Variants in MAGI1 observed in about 807,000 individuals in gnomAD.
MAGI1 encodes membrane associated guanylate kinase, WW and PDZ domain containing 1, also known as membrane-associated guanylate kinase, WW and PDZ domain-containing protein 1.
MAGI1 carries 58 observed loss-of-function variants against 139.9 expected under a neutral mutation model. The observed-to-expected ratio is 0.41, with a 90% confidence interval of 0.34 to 0.52. MAGI1 has a LOEUF of 0.52. MAGI1 is among the 20% of genes least tolerant of loss of function. The pLI, the probability that MAGI1 is intolerant of heterozygous loss-of-function variation, is 0.12. For synonymous variants in MAGI1, 812 were observed against 737.9 expected (o/e 1.10, Z -1.63); for missense variants, 1,874 against 1,901.6 (o/e 0.99, Z 0.27).
At chr3:65,789,057 C>T (rs1328482093) in intron 1 of MAGI1, among the ~76,000 whole-genome samples, 1 of 151,970 alleles carries the variant, frequency 6.6e-6, no homozygotes, top group Non-Finnish European at 1.5e-5. Context: ...GACACCCACC[C>T]GTAGTCCCAG....
intron 2 of MAGI1, among the ~76,000 whole-genome samples, chr3:65,541,901 G>C (rs1046121429): frequency 2.0e-5 from 3 of 152,162 alleles, no homozygotes; most frequent in African/African-American, 4.8e-5. Flanking sequence ...ATTCAACATA[G>C]TGTTGGAAGT....
At chr3:65,950,059 C>CAAAAAAAAAAAAA (rs1264298678) in intron 1 of MAGI1, among the ~76,000 whole-genome samples, 1 of 13,458 alleles carries the variant, frequency 7.4e-5, no homozygotes, top group Non-Finnish European at 1.4e-4. Context: ...AAAAAAAAAA[C>CAAAAAAAAAAAAA]AAAAAAACAA....
intron 1 of MAGI1, among the ~76,000 whole-genome samples, chr3:65,917,855 T>A (rs141160331): frequency 8.3e-4 from 127 of 152,350 alleles, no homozygotes; most frequent in African/African-American, 2.9e-3. Flanking sequence ...TGGACACGTG[T>A]CATTACATAT....
chr3:65,606,672 C>G (rs918879679), intron 2 of MAGI1, among the ~76,000 whole-genome samples: 4 of 152,140 alleles, frequency 2.6e-5, no homozygotes, highest in Non-Finnish European at 4.4e-5. Context: ...CACCCACAAC[C>G]ACGCCTGGCT....
chr3:65,601,003 C>G (rs536770807), intron 2 of MAGI1, among the ~76,000 whole-genome samples: 1 of 152,106 alleles, frequency 6.6e-6, no homozygotes, highest in East Asian at 1.9e-4. Flanking sequence ...GAGTTCCTGC[C>G]TCATGGAACT....
Position 65,391,244 on chromosome 3 carries a change from G to A in MAGI1, c.2314C>T (p.Pro772Ser). 1 of 1,614,186 alleles carries A rather than the reference G, an allele frequency of 6.2e-7. No homozygotes were observed. The highest frequency in any genetic ancestry group is 1.1e-5 in the South Asian group (1 of 91,086). The change falls in exon 14 of 23, where the codon CCT (proline) becomes TCT (serine). Residue 772 changes from proline to serine, a missense_variant. Coordinates refer to ENST00000402939, the MANE Select transcript of MAGI1 (RefSeq NM_001033057.2). The stretch of plus-strand genomic sequence containing the variant: ...TGATCTGGAGCTTGGGCCTCTGCAG[G>A]TGGGAACTCGGGGAGCACCTGTGTG... ...HSTQVLPEFP[P>S]AEAQAPDQTD...
rs564186505 is a variant in MAGI1 at position 65,361,747 on chromosome 3, C to T, written c.3496-410G>A. ...TCAGTTCAAAGATCAGGTCATAAAA[C>T]GATTTTGTCATCTGTCTTACTTGCC... is the stretch of plus-strand genomic sequence containing the variant. On this transcript the variant is annotated intron_variant, in intron 21 of 22. Transcript: ENST00000402939. Among the ~76,000 whole-genome samples, 190 of 152,266 alleles carry T rather than the reference C, an allele frequency of 1.2e-3. 1 individual carries two copies. Among genetic ancestry groups the T allele is most frequent in the Non-Finnish European group, 2.1e-3 (143 of 68,030 alleles).
intron 1 of MAGI1, among the ~76,000 whole-genome samples, chr3:65,798,422 T>C (rs1351074511): frequency 6.6e-6 from 1 of 152,118 alleles, no homozygotes; most frequent in Non-Finnish European, 1.5e-5. Flanking sequence ...TCAGGACCCA[T>C]GGAGCAGACA....
At chr3:65,655,479 C>G (rs538453324) in intron 1 of MAGI1, among the ~76,000 whole-genome samples, 6 of 152,292 alleles carry the variant, frequency 3.9e-5, no homozygotes, top group Admixed American at 1.3e-4. Flanking sequence ...CCTCCTTCCA[C>G]TGATGGTACA....
intron 1 of MAGI1, among the ~76,000 whole-genome samples, chr3:65,738,754 A>G (rs1233592246): frequency 6.6e-6 from 1 of 152,206 alleles, no homozygotes; most frequent in African/African-American, 2.4e-5. Context: ...AGCAGTAACA[A>G]TACATTGAAA....
At chr3:65,891,449 A>T (rs954770460) in intron 1 of MAGI1, among the ~76,000 whole-genome samples, 4 of 152,062 alleles carry the variant, frequency 2.6e-5, no homozygotes, top group African/African-American at 9.7e-5. Context: ...AAACCCTTAA[A>T]GCACAACGGG....
intron 1 of MAGI1, among the ~76,000 whole-genome samples, chr3:65,710,942 T>G (rs2107649000): frequency 6.6e-6 from 1 of 152,332 alleles, no homozygotes; most frequent in South Asian, 2.1e-4. Context: ...CCTTGTTCTG[T>G]CCCCTAAATA....
intron 1 of MAGI1, among the ~76,000 whole-genome samples, chr3:66,028,247 A>G (rs2068402606): frequency 6.6e-6 from 1 of 152,196 alleles, no homozygotes; most frequent in Admixed American, 6.5e-5. Flanking sequence ...TGTTGCAGTG[A>G]GCTGAGATCA....
chr3:65,975,771 G>C (rs568811879), intron 1 of MAGI1, among the ~76,000 whole-genome samples: 1 of 152,214 alleles, frequency 6.6e-6, no homozygotes, highest in African/African-American at 2.4e-5. Flanking sequence ...CTAAGATTAA[G>C]TCATAACTGA....
intron 1 of MAGI1, among the ~76,000 whole-genome samples, chr3:65,763,676 C>T (rs1435798473): frequency 2.6e-5 from 4 of 151,938 alleles, no homozygotes; most frequent in African/African-American, 9.7e-5. Context: ...TAAGCATTTC[C>T]CTACACTAAT....
intron 12 of MAGI1, among the ~76,000 whole-genome samples, chr3:65,417,810 T>C (rs537941279): frequency 5.9e-5 from 9 of 152,234 alleles, no homozygotes; most frequent in African/African-American, 2.4e-5. Context: ...TGCATTCAGA[T>C]CTGAAAATAT....
At chr3:65,383,406 T>C in intron 15 of MAGI1, 126 bp downstream of exon 15, 1 of 690,536 alleles carries the variant, frequency 1.4e-6, no homozygotes, top group South Asian at 1.7e-5. Flanking sequence ...AAACCCACAC[T>C]ACTCAAGATT....
chr3:65,754,488 AT>A (rs2036405228), intron 1 of MAGI1, among the ~76,000 whole-genome samples: 1 of 152,248 alleles, frequency 6.6e-6, no homozygotes, highest in South Asian at 2.1e-4. Context: ...CAAGAAAGTT[AT>A]TCCATAAGCC....
chr3:65,380,647 G>A (rs1942967890), intron 16 of MAGI1: 2 of 152,026 alleles, frequency 1.3e-5, no homozygotes, highest in Admixed American at 1.3e-4. Context: ...TCTCTTCATA[G>A]ATTTGACACG....
Sources: allele counts gnomAD v4.1 joint callset (sites outside exome capture counted in the v4.1 genomes callset), GRCh38; gene constraint gnomAD v4.1.1; transcripts MANE v1.5; gene names NCBI Gene and HGNC (gene_info 2026-07-23, HGNC 2026-07-21).